Variants in TNNI1 observed in about 807,000 individuals in gnomAD.
TNNI1 encodes troponin I1, slow skeletal type, also known as troponin I, slow skeletal muscle.
A neutral mutation model predicts 26.7 loss-of-function variants in TNNI1; 14 were observed. That is an observed-to-expected ratio of 0.52 (90% CI 0.35 to 0.82). The LOEUF (loss-of-function observed/expected upper bound fraction) is 0.82, where lower values mean the gene tolerates loss of function less well. Among genes scored for constraint, TNNI1 ranks in the 40% least tolerant of loss-of-function variants. TNNI1 has a pLI of 0.01. For synonymous variants in TNNI1, 79 were observed against 98.2 expected, an observed-to-expected ratio of 0.80 and a Z score of 1.16; for missense variants, 164 against 257.0, an observed-to-expected ratio of 0.64 and a Z score of 2.47.
At chr1:201,410,071 C>T (rs1457529642) in intron 8 of TNNI1, 1 of 405,812 alleles carries the variant, frequency 2.5e-6, no homozygotes, top group Non-Finnish European at 4.5e-6. Flanking sequence ...CTTGGAGAAC[C>T]ACTGATTTGA....
At position 201,414,542 on chromosome 1, in the gene TNNI1, A is replaced by G; in HGVS notation, c.165T>C (p.Arg55=). Residue 55 remains arginine (R), a synonymous_variant, in exon 5 of 9, where the codon CGT becomes CGC. Coordinates refer to ENST00000361379, the MANE Select transcript of TNNI1 (RefSeq NM_003281.4). ...LAERIPTLQT[R]GLSLSALQDL... is the part of the protein sequence containing the mutation. ...CCTGCAGGGCACTGAGGGACAGGCC[A>G]CGGGTCTGCAGCGTGGGGATGCGCT... 7 of 1,609,254 alleles carry G rather than the reference A, an allele frequency of 4.3e-6. No homozygotes were observed. Among genetic ancestry groups the G allele is most frequent in the Non-Finnish European group, 5.9e-6 (7 of 1,178,072 alleles).
chr1:201,421,324 G>C (rs1305398464), intron 1 of TNNI1, among the ~76,000 whole-genome samples: 1 of 151,894 alleles, frequency 6.6e-6, no homozygotes, highest in Admixed American at 6.6e-5. Flanking sequence ...CCTTCCCCTG[G>C]GTGCGCTCTC....
At position 201,411,484 on chromosome 1, in the gene TNNI1, C is replaced by A. The variant is rs771001056; in HGVS notation, c.329G>T (p.Arg110Leu). 6.2e-7 allele frequency: 1 copy of A among 1,611,504 alleles called. No homozygotes were observed. Among genetic ancestry groups the A allele is most frequent in the East Asian group, 2.2e-5 (1 of 44,646 alleles). Residue 110 changes from arginine to leucine, a missense_variant, in exon 7 of 9, where the codon CGC (arginine) becomes CTC (leucine). Physicochemically the swap from Arg to Leu is moderately radical, Grantham distance 102 (BLOSUM62 -2). Transcript: ENST00000361379. This position sits in a 1 kb window ranked among gnomAD's most constrained non-coding sequence, Gnocchi z 4.6. ...KVMDLRGKFK[R>L]PPLRRVRVSA... is the part of the protein sequence containing the mutation. ...GACACGGACTCGACGCAGGGGCGGG[C>A]GCTTGAACTTCCCACGGAGGTCCAT...
rs947520149 is a variant in TNNI1, at chr1:201,407,068, C to A, written c.*2185G>T. On this transcript the variant is annotated 3_prime_UTR_variant, in exon 9 of 9. Transcript: ENST00000361379. The stretch of plus-strand genomic sequence containing the variant: ...TGGATACCCCAATCTGCCAGGGCCC[C>A]AGGTTAATAGTTGACTGCAAAACTG... The A allele has an allele frequency of 7.2e-5, 11 of 152,266 alleles. No individual in the cohort carries two copies. Among genetic ancestry groups the A allele is most frequent in the African/African-American group, 2.7e-4 (11 of 41,450 alleles). 9.4% of individuals were successfully genotyped at this position (152,266 alleles called of 1,614,324 possible).
intron 5 of TNNI1, among the ~76,000 whole-genome samples, chr1:201,414,119 A>G (rs1405002622): frequency 2.0e-5 from 3 of 152,242 alleles, no homozygotes; most frequent in Admixed American, 6.5e-5. Context: ...TCTTTTCTCT[A>G]TAATCACTGG....
rs759919200 is a variant in TNNI1 at position 201,407,845 on chromosome 1, C to A, written c.*1408G>T. On this transcript the variant is annotated 3_prime_UTR_variant, in exon 9 of 9. Transcript: ENST00000361379. Reference sequence around the variant, plus strand: ...AGATTACGAGGTCAGGAGTTCGAGACCAGCCTGACCAACATGGTGAAACCC... The same window carrying A: ...AGATTACGAGGTCAGGAGTTCGAGAACAGCCTGACCAACATGGTGAAACCC... The A allele has an allele frequency of 6.6e-6, 1 of 152,046 alleles. No individual in the cohort carries two copies. The highest frequency in any genetic ancestry group is 1.5e-5 in the Non-Finnish European group (1 of 68,070). The allele number at this position is 152,046 out of a possible 1,614,324, so 9.4% of individuals were successfully genotyped here.
Position 201,417,056 on chromosome 1 carries a change from T to G in TNNI1, c.15+60A>C, listed in dbSNP as rs545884621. The G allele has an allele frequency of 1.1e-5, 18 of 1,610,860 alleles. 1 individual carries two copies. In the East Asian group the frequency reaches 4.0e-4, roughly 36 times the overall value. On this transcript the variant is annotated intron_variant, in intron 3 of 8. Transcript: ENST00000361379. ...CCTCTCCTCAGATGCCAACCCCACC[T>G]TCCCACTTTTACCAGTCGTTAGAGT...
rs997216395 is a variant in TNNI1, at chr1:201,407,180, C to T, written c.*2073G>A. The T allele has an allele frequency of 6.6e-6, 1 of 152,268 alleles. No individual in the cohort carries two copies. Among genetic ancestry groups the T allele is most frequent in the Non-Finnish European group, 1.5e-5 (1 of 68,090 alleles). The allele number at this position is 152,268 out of a possible 1,614,324, so 9.4% of individuals were successfully genotyped here. A position where few individuals can be genotyped will look rare whatever the true frequency, so the allele number is the denominator to read the frequency against. ...GAGATCGCTTTGGATCCAGGCCAAC[C>T]GGAGGAGCCCTGTGAGGCGGGGAAG... On this transcript the variant is annotated 3_prime_UTR_variant, in exon 9 of 9. Coordinates refer to ENST00000361379, the MANE Select transcript of TNNI1 (RefSeq NM_003281.4).
intron 2 of TNNI1, 26 bp downstream of exon 2, chr1:201,417,756 GC>G: frequency 7.6e-7 from 1 of 1,313,666 alleles, no homozygotes; most frequent in Non-Finnish European, 9.8e-7. Flanking sequence ...CCTTCCTGGG[GC>G]CCCAGATGGC....
In TNNI1 at chr1:201,413,021, C is replaced by T. The variant is rs765583511; in HGVS notation, c.279+11G>A. On this transcript the variant is annotated intron_variant, in intron 6 of 8. Coordinates refer to ENST00000361379, the MANE Select transcript of TNNI1 (RefSeq NM_003281.4). ...CATTATGGCCATGCCCCTTCCCTTC[C>T]TTAGACTCACCTCCCTGGTGTTGTG... 10 of 1,613,714 alleles carry T rather than the reference C, an allele frequency of 6.2e-6. No individual in the cohort carries two copies. In the South Asian group the frequency reaches 6.6e-5, roughly 11 times the overall value.
Position 201,409,159 on chromosome 1 carries a change from A to G in TNNI1, c.*94T>C, listed in dbSNP as rs1056467214. ...GGGAAGAAGTGGGGGAGAGGTGGGA[A>G]GGGATGCTCCAGACACAGGCAGAGA... On this transcript the variant is annotated 3_prime_UTR_variant, in exon 9 of 9. Transcript: ENST00000361379. The G allele has an allele frequency of 1.3e-5, 2 of 152,438 alleles. No individual in the cohort carries two copies. The highest frequency in any genetic ancestry group is 4.8e-5 in the African/African-American group (2 of 41,414). 9.4% of individuals were successfully genotyped at this position (152,438 alleles called of 1,614,324 possible).
intron 3 of TNNI1, among the ~76,000 whole-genome samples, chr1:201,415,825 C>T (rs1033741124): frequency 7.2e-5 from 11 of 152,304 alleles, no homozygotes; most frequent in Middle Eastern, 3.4e-3. Context: ...TATAAAACCA[C>T]TGTTTTATCT....
chr1:201,416,068 A>T (rs776217564), intron 3 of TNNI1, among the ~76,000 whole-genome samples: 4 of 152,090 alleles, frequency 2.6e-5, no homozygotes, highest in Non-Finnish European at 5.9e-5. Context: ...ATGGCTCTCA[A>T]ATGTTATTCC....
rs1662852884 is a variant in TNNI1 at position 201,421,312 on chromosome 1, C to A, written c.-20+361G>T. On this transcript the variant is annotated intron_variant, in intron 1 of 8. Transcript: ENST00000361379. Reference sequence around the variant, plus strand: ...CCCTGGCTCTCTGATCCCAGGGCCACCCCTTCCCCTGGGTGCGCTCTCCCT... The same window carrying A: ...CCCTGGCTCTCTGATCCCAGGGCCAACCCTTCCCCTGGGTGCGCTCTCCCT... Among the ~76,000 whole-genome samples, 4 of 152,234 alleles carry A rather than the reference C, an allele frequency of 2.6e-5. No homozygotes were observed. In the South Asian group the frequency reaches 8.3e-4, roughly 32 times the overall value.
At chr1:201,413,203 G>A in intron 5 of TNNI1, 82 bp from the exon 6 acceptor site, 1 of 1,507,750 alleles carries the variant, frequency 6.6e-7, no homozygotes, top group Non-Finnish European at 9.2e-7. Flanking sequence ...CCTCTCCCCA[G>A]CCCCTTTGCA....
Position 201,411,726 on chromosome 1 carries a change from G to A in TNNI1, c.280-193C>T, listed in dbSNP as rs1662639722. On this transcript the variant is annotated intron_variant, in intron 6 of 8. Coordinates refer to ENST00000361379, the MANE Select transcript of TNNI1 (RefSeq NM_003281.4). The surrounding 1 kb of genome is among the most constrained non-coding windows in gnomAD (Gnocchi z 4.6). Reference sequence around the variant, plus strand: ...TTTTGTGGAAGACACTTTTTCCACGGAGAGGTGGTGGGGTGGTTTCAGGAT... The same window carrying A: ...TTTTGTGGAAGACACTTTTTCCACGAAGAGGTGGTGGGGTGGTTTCAGGAT... 6.6e-6 allele frequency among the ~76,000 whole-genome samples: 1 copy of A among 152,188 alleles called. No homozygotes were observed. Among genetic ancestry groups the A allele is most frequent in the Admixed American group, 6.5e-5 (1 of 15,282 alleles).
rs1007397668 is a variant in TNNI1 at position 201,404,768 on chromosome 1, G to C, written c.*4485C>G. ...CAGTCAGGAGAAGAGCATCTGGGAG[G>C]CACTAGTACAGGGGACACACAGGTG... On this transcript the variant is annotated 3_prime_UTR_variant, in exon 9 of 9. Coordinates refer to ENST00000361379, the MANE Select transcript of TNNI1 (RefSeq NM_003281.4). 2 of 152,266 alleles carry C rather than the reference G, an allele frequency of 1.3e-5. No homozygotes were observed. Among genetic ancestry groups the C allele is most frequent in the Non-Finnish European group, 2.9e-5 (2 of 68,052 alleles). The allele number at this position is 152,266 out of a possible 1,614,324, so 9.4% of individuals were successfully genotyped here.
At chr1:201,420,434 CG>C (rs1201081191) in intron 1 of TNNI1, among the ~76,000 whole-genome samples, 4 of 151,964 alleles carry the variant, frequency 2.6e-5, no homozygotes, top group African/African-American at 9.7e-5. Context: ...ATCCTCCCCC[CG>C]AGGGGGGGAG....
rs549552625 is a variant in TNNI1, at chr1:201,410,217, C to G, written c.*2+109G>C. 3.5e-5 allele frequency: 31 copies of G among 889,548 alleles called. No homozygotes were observed. The Admixed American group carries it at 5.1e-4, about 15-fold the overall frequency. 55.1% of individuals were successfully genotyped at this position (889,548 alleles called of 1,614,324 possible). ...AAATCAGTCTCATCGGTGCCTTAGTCCGTGCATCCGTGCACCACACTAAGT... is the reference window on the plus strand; with the variant it reads ...AAATCAGTCTCATCGGTGCCTTAGTGCGTGCATCCGTGCACCACACTAAGT... On this transcript the variant is annotated intron_variant, in intron 8 of 8. Coordinates refer to ENST00000361379, the MANE Select transcript of TNNI1 (RefSeq NM_003281.4).
Sources: gnomAD v4.1 joint callset for allele counts (sites outside exome capture counted in the v4.1 genomes callset) on GRCh38, gnomAD v4.1.1 for gene constraint, Gnocchi (gnomAD v3.1) non-coding constraint, MANE v1.5 for transcripts, NCBI Gene and HGNC (gene_info 2026-07-23, HGNC 2026-07-21) for gene names.